Variants in CCR6 observed in about 807,000 individuals in gnomAD.
CCR6 encodes C-C chemokine receptor type 6.
CCR6 carries 2 observed loss-of-function variants against 3.0 expected under a neutral mutation model. The ratio of observed to expected loss-of-function variants is 0.66; its 90% CI spans 0.27 to 2.07. The LOEUF (loss-of-function observed/expected upper bound fraction) is 2.07, where lower values mean the gene tolerates loss of function less well. CCR6 is among the 30% of genes most tolerant of loss of function. The pLI is 0.14. For missense variants in CCR6, 322 were observed against 462.8 expected (o/e 0.70, Z 2.79); for synonymous variants, 193 against 184.3 (o/e 1.05, Z -0.38).
chr6:167,135,973 A>C, intron 1 of CCR6, 65 bp from the exon 2 acceptor site: 1 of 721,166 alleles, frequency 1.4e-6, no homozygotes, highest in South Asian at 1.8e-5. Flanking sequence ...CTGGTAACTT[A>C]ACTGTCTGGC....
Position 167,136,111 on chromosome 6 carries a change from C to G in CCR6, c.-24C>G. The stretch of plus-strand genomic sequence containing the variant: ...AACCATACACTCCTTTTTCTACAAC[C>G]AGCTTGCATTTTTTCTGCCCACAAT... On this transcript the variant is annotated 5_prime_UTR_variant, in exon 2 of 3. Transcript: ENST00000341935. This position sits in a 1 kb window ranked among gnomAD's most constrained non-coding sequence, Gnocchi z 4.6. The G allele has an allele frequency of 6.2e-7, 1 of 1,612,588 alleles. No homozygotes were observed. Among genetic ancestry groups the G allele is most frequent in the Non-Finnish European group, 8.5e-7 (1 of 1,179,548 alleles).
chr6:167,123,418 C>CT (rs1345850825), intron 1 of CCR6, among the ~76,000 whole-genome samples, 195 bp downstream of exon 1: 9 of 152,156 alleles, frequency 5.9e-5, no homozygotes, highest in Non-Finnish European at 1.3e-4. Context: ...CACTTTTCCT[C>CT]TAAGTGTATA....
rs895787721 is a variant in CCR6, at chr6:167,137,087, G to T, written c.857G>T (p.Arg286Leu). The stretch of plus-strand genomic sequence containing the variant: ...GCTGCAAATTTGGGTAAAATGAACC[G>T]ATCCTGCCAGAGCGAAAAGCTAATT... ...VTAANLGKMN[R>L]SCQSEKLIGY... The change falls in exon 3 of 3, where the codon CGA becomes CTA. Residue 286 changes from arginine (R) to leucine (L), a missense_variant. Physicochemically the swap from Arg to Leu is moderately radical, Grantham distance 102. Transcript: ENST00000341935. This position sits in a 1 kb window ranked among gnomAD's most constrained non-coding sequence, Gnocchi z 4.6. 2 of 1,614,136 alleles carry T rather than the reference G, an allele frequency of 1.2e-6. No homozygotes were observed. Among genetic ancestry groups the T allele is most frequent in the African/African-American group, 2.7e-5 (2 of 75,010 alleles).
chr6:167,121,351 C>T (rs1460924309), upstream of CCR6: 1 of 152,336 alleles, frequency 6.6e-6, no homozygotes, highest in Admixed American at 6.5e-5. Context: ...TTTTCGTTTT[C>T]TTTCTTTTCT....
chr6:167,117,929 T>C (rs917444103), upstream of CCR6, among the ~76,000 whole-genome samples: 75 of 140,788 alleles, frequency 5.3e-4, 1 homozygote, highest in Admixed American at 5.4e-4. Flanking sequence ...GCAGGTTTCC[T>C]ATAAGCACTT....
chr6:167,134,091 T>A (rs1781813929), intron 1 of CCR6, among the ~76,000 whole-genome samples: 2 of 151,842 alleles, frequency 1.3e-5, no homozygotes, highest in Non-Finnish European at 2.9e-5. Context: ...GTATCATTTC[T>A]CACTGTATTT....
upstream of CCR6, among the ~76,000 whole-genome samples, chr6:167,120,371 A>G (rs1562555964): frequency 1.3e-5 from 2 of 152,246 alleles, no homozygotes; most frequent in Non-Finnish European, 2.9e-5. Flanking sequence ...CAAAGCATTT[A>G]CTATCTTTTC....
At chr6:167,116,586 C>T (rs546329938) in intron 1 of CCR6, among the ~76,000 whole-genome samples, 5 of 152,356 alleles carry the variant, frequency 3.3e-5, no homozygotes, top group Admixed American at 2.0e-4. Context: ...GCTGCTCTTT[C>T]TCCCTGCAGG....
At chr6:167,134,607 T>A (rs1048219345) in intron 1 of CCR6, among the ~76,000 whole-genome samples, 6 of 152,254 alleles carry the variant, frequency 3.9e-5, no homozygotes, top group African/African-American at 1.4e-4. Context: ...AAAAGGTCAG[T>A]ATCCACGTGG....
In CCR6 at chr6:167,137,586, G is replaced by T; in HGVS notation, c.*231G>T. 4.6e-6 allele frequency: 2 copies of T among 439,182 alleles called. No individual in the cohort carries two copies. Among genetic ancestry groups the T allele is most frequent in the South Asian group, 4.0e-5 (1 of 24,966 alleles). The allele number at this position is 439,182 out of a possible 1,614,324, so 27.2% of individuals were successfully genotyped here. ...GCAAGGAATGTTTTGTAGCTCTAGG[G>T]TATATATCCGCCTGGCATTTCACAA... is the stretch of plus-strand genomic sequence containing the variant. On this transcript the variant is annotated 3_prime_UTR_variant, in exon 3 of 3. Coordinates refer to ENST00000341935, the MANE Select transcript of CCR6 (RefSeq NM_031409.4). The surrounding 1 kb of genome is among the most constrained non-coding windows in gnomAD (Gnocchi z 4.6).
chr6:167,113,371 C>A (rs761143500), intron 1 of CCR6, among the ~76,000 whole-genome samples: 2 of 152,092 alleles, frequency 1.3e-5, no homozygotes, highest in African/African-American at 2.4e-5. Flanking sequence ...GAGTCAGGCA[C>A]GCTGGAAGTG....
rs1781615600 is a variant in CCR6, at chr6:167,123,214, A to C, written c.-107A>C. 6.5e-6 allele frequency: 1 copy of C among 152,788 alleles called. No homozygotes were observed. The highest frequency in any genetic ancestry group is 2.1e-4 in the South Asian group (1 of 4,830). The allele number at this position is 152,788 out of a possible 1,614,324, so 9.5% of individuals were successfully genotyped here. A position where few individuals can be genotyped will look rare whatever the true frequency, so the allele number is the denominator to read the frequency against. On this transcript the variant is annotated 5_prime_UTR_variant, in exon 1 of 3. Transcript: ENST00000341935. ...GAGGCTGAAGGGAGTGGATCAGAGC[A>C]CTGCCTGAGGTGAGCATGCCAAGGC... is the stretch of plus-strand genomic sequence containing the variant.
rs41412749 is a variant in CCR6, at chr6:167,129,895, G to A, written c.-97-6143G>A. On this transcript the variant is annotated intron_variant, in intron 1 of 2. Coordinates refer to ENST00000341935, the MANE Select transcript of CCR6 (RefSeq NM_031409.4). Reference sequence around the variant, plus strand: ...GAGGCAGCTGAATATTGGAAAAGAAGCCTCTTAACTGCAAAACCGAATTGA... The same window carrying A: ...GAGGCAGCTGAATATTGGAAAAGAAACCTCTTAACTGCAAAACCGAATTGA... Among the ~76,000 whole-genome samples the A allele has an allele frequency of 4.5e-4, 68 of 151,740 alleles. 4 individuals are homozygous for A. Among genetic ancestry groups the A allele is most frequent in the African/African-American group, 1.6e-3 (67 of 41,062 alleles).
At chr6:167,132,114 G>C (rs186697067) in intron 1 of CCR6, among the ~76,000 whole-genome samples, 3 of 152,304 alleles carry the variant, frequency 2.0e-5, no homozygotes, top group Admixed American at 6.5e-5. Flanking sequence ...ATTTCTTACC[G>C]AGCGAAGGTT....
At chr6:167,112,497 G>A (rs1781430474) in intron 1 of CCR6, among the ~76,000 whole-genome samples, 1 of 152,202 alleles carries the variant, frequency 6.6e-6, no homozygotes, top group Non-Finnish European at 1.5e-5. Context: ...ACCTTTGAAA[G>A]AGCAGTCATC....
rs767730927 is a variant in CCR6, at chr6:167,137,121, G to A, written c.891G>A (p.Thr297=). 44 of 1,614,040 alleles carry A rather than the reference G, an allele frequency of 2.7e-5. No homozygotes were observed. Among genetic ancestry groups the A allele is most frequent in the Non-Finnish European group, 3.6e-5 (43 of 1,180,048 alleles). ...SCQSEKLIGY[T]KTVTEVLAFL... ...AGAGCGAAAAGCTAATTGGCTATAC[G>A]AAAACTGTCACAGAAGTCCTGGCTT... is the stretch of plus-strand genomic sequence containing the variant. Residue 297 remains threonine (T), a synonymous_variant, in exon 3 of 3, where the codon ACG becomes ACA. Coordinates refer to ENST00000341935, the MANE Select transcript of CCR6 (RefSeq NM_031409.4). The surrounding 1 kb of genome is among the most constrained non-coding windows in gnomAD (Gnocchi z 4.6).
At position 167,136,789 on chromosome 6, in the gene CCR6, C is replaced by G; in HGVS notation, c.559C>G (p.Gln187Glu). ...IISSSTFVFN[Q>E]KYNTQGSDVC... ...CTCCAGCTCAACTTTTGTCTTCAAC[C>G]AAAAATACAACACCCAAGGCAGCGA... The change falls in exon 3 of 3, where the codon CAA becomes GAA. Residue 187 changes from glutamine to glutamate, a missense_variant. Physicochemically the swap from Gln to Glu is conservative, Grantham distance 29 (BLOSUM62 2). Coordinates refer to ENST00000341935, the MANE Select transcript of CCR6 (RefSeq NM_031409.4). The surrounding 1 kb of genome is among the most constrained non-coding windows in gnomAD (Gnocchi z 4.6). 1 of 1,613,954 alleles carries G rather than the reference C, an allele frequency of 6.2e-7. No homozygotes were observed. Among genetic ancestry groups the G allele is most frequent in the South Asian group, 1.1e-5 (1 of 91,072 alleles).
intron 1 of CCR6, chr6:167,112,153 G>A (rs187052917): frequency 1.3e-5 from 2 of 152,164 alleles, no homozygotes; most frequent in African/African-American, 4.8e-5. Context: ...TATTTATTTA[G>A]GCTACTTTAG....
At position 167,124,263 on chromosome 6, in the gene CCR6, C is replaced by G. The variant is rs1480504963; in HGVS notation, c.-98+1040C>G. ...CAAACTTCCAAAGAAATTAAAGGAA[C>G]TGAAAAAAAAAAAAAACCAACCCAC... On this transcript the variant is annotated intron_variant, in intron 1 of 2. Coordinates refer to ENST00000341935, the MANE Select transcript of CCR6 (RefSeq NM_031409.4). 4.8e-5 allele frequency among the ~76,000 whole-genome samples: 4 copies of G among 82,886 alleles called. No homozygotes were observed. In the East Asian group the frequency reaches 9.6e-4, roughly 20 times the overall value. 54.4% of individuals were successfully genotyped at this position (82,886 alleles called of 152,430 possible).
Sources: gnomAD v4.1 joint callset for allele counts (sites outside exome capture counted in the v4.1 genomes callset) on GRCh38, gnomAD v4.1.1 for gene constraint, Gnocchi (gnomAD v3.1) non-coding constraint, MANE v1.5 for transcripts, NCBI Gene and HGNC (gene_info 2026-07-23, HGNC 2026-07-21) for gene names.